HBP1: variants seen among roughly 807,000 people sequenced by gnomAD.
HBP1 encodes HMG-box transcription factor 1, also known as HMG box-containing protein 1.
HBP1 carries 20 observed loss-of-function variants against 62.6 expected under a neutral mutation model. The ratio of observed to expected loss-of-function variants is 0.32; its 90% CI spans 0.22 to 0.46. The LOEUF is 0.46. Among genes scored for constraint, HBP1 ranks in the 20% least tolerant of loss-of-function variants. HBP1 has a pLI of 1.00. For missense variants in HBP1, 480 were observed against 611.8 expected (o/e 0.78, Z 2.27); for synonymous variants, 232 against 206.2 (o/e 1.12, Z -1.07).
chr7:107,199,673 G>A (rs1798116050), intron 9 of HBP1, among the ~76,000 whole-genome samples: 1 of 152,140 alleles, frequency 6.6e-6, no homozygotes, highest in South Asian at 2.1e-4. Context: ...TGTTTTAGTA[G>A]GTTTCATAGC....
rs181844616 is a variant in HBP1 at position 107,170,940 on chromosome 7, A to G, written c.-16+1755A>G. ...ATACATATGTATATGTATAAAATAT[A>G]TAACATATACATGTATATATATAAA... On this transcript the variant is annotated intron_variant, in intron 1 of 10. Transcript: ENST00000222574. 4.3e-3 allele frequency among the ~76,000 whole-genome samples: 624 copies of G among 146,390 alleles called. 7 individuals carry two copies. Among genetic ancestry groups the G allele is most frequent in the African/African-American group, 0.015 (610 of 39,840 alleles).
rs1797881351 is a variant in HBP1, at chr7:107,196,010, C to T, written c.1244C>T (p.Ala415Val). 5.0e-6 allele frequency: 8 copies of T among 1,613,924 alleles called. No homozygotes were observed. Among genetic ancestry groups the T allele is most frequent in the Non-Finnish European group, 5.9e-6 (7 of 1,179,934 alleles). Reference sequence around the variant, plus strand: ...CAGCTCTCTTCCAATTCTTTGTATGCTAAAGCTGTCAAAAACCACAGCTCA... The same window carrying T: ...CAGCTCTCTTCCAATTCTTTGTATGTTAAAGCTGTCAAAAACCACAGCTCA... Reference protein sequence around the residue: ...SSQLSSNSLYAKAVKNHSSGT... With the variant: ...SSQLSSNSLYVKAVKNHSSGT... The change falls in exon 9 of 11, where the codon GCT becomes GTT. Residue 415 changes from alanine (A) to valine (V), a missense_variant. Coordinates refer to ENST00000222574, the MANE Select transcript of HBP1 (RefSeq NM_012257.4).
chr7:107,180,274 G>T (rs1381786807), intron 2 of HBP1, among the ~76,000 whole-genome samples: 1 of 152,240 alleles, frequency 6.6e-6, no homozygotes, highest in Non-Finnish European at 1.5e-5. Flanking sequence ...CTCATTTACA[G>T]ATTGTTAAAT....
intron 8 of HBP1, among the ~76,000 whole-genome samples, chr7:107,191,384 A>G (rs935874028): frequency 1.3e-5 from 2 of 152,210 alleles, no homozygotes; most frequent in Non-Finnish European, 2.9e-5. Context: ...TAGATTAATG[A>G]TAACTCCTAT....
At chr7:107,195,099 C>T (rs1797828866) in intron 8 of HBP1, among the ~76,000 whole-genome samples, 1 of 152,076 alleles carries the variant, frequency 6.6e-6, no homozygotes, top group South Asian at 2.1e-4. Context: ...GAGTGCAGTG[C>T]TGTGATCTGC....
chr7:107,195,792 C>A, intron 8 of HBP1, 42 bp from the exon 9 acceptor site: 7 of 888,964 alleles, frequency 7.9e-6, no homozygotes, highest in Non-Finnish European at 1.1e-5. Flanking sequence ...TCAGAGAATT[C>A]AAAATTGAAT....
At chr7:107,182,236 C>A in intron 2 of HBP1, 137 bp from the exon 3 acceptor site, 5 of 611,844 alleles carry the variant, frequency 8.2e-6, no homozygotes, top group Non-Finnish European at 1.5e-5. Context: ...AGTCTGTGAA[C>A]AGAATGTTAA....
intron 2 of HBP1, among the ~76,000 whole-genome samples, chr7:107,181,424 A>G (rs143844809): frequency 1.6e-3 from 241 of 152,170 alleles, no homozygotes; most frequent in African/African-American, 5.5e-3. Flanking sequence ...GTGAGCTATA[A>G]TTGTACCACT....
chr7:107,171,070 TATA>T lies in HBP1; in HGVS notation c.-16+1886_-16+1888del, dbSNP rs200282873. Among the ~76,000 whole-genome samples the T allele has an allele frequency of 2.8e-3, 149 of 53,952 alleles. 1 individual carries two copies. The highest frequency in any genetic ancestry group is 3.8e-3 in the Admixed American group (18 of 4,798). The allele number at this position is 53,952 out of a possible 152,430, so 35.4% of individuals were successfully genotyped here. The stretch of plus-strand genomic sequence containing the variant: ...AAATATATATATATATATATATATA[TATA>T]TTTTTTTTTTTTTTTGAGAGGGAGT... On this transcript the variant is annotated intron_variant, in intron 1 of 10. Coordinates refer to ENST00000222574, the MANE Select transcript of HBP1 (RefSeq NM_012257.4).
intron 1 of HBP1, chr7:107,174,604 A>G (rs1367669548): frequency 1.0e-6 from 1 of 985,570 alleles, no homozygotes; most frequent in East Asian, 1.1e-4. Flanking sequence ...GAGGAAACCA[A>G]AGAGCTCTGC....
chr7:107,191,027 G>C (rs899628662), intron 8 of HBP1, among the ~76,000 whole-genome samples: 1 of 152,178 alleles, frequency 6.6e-6, no homozygotes, highest in African/African-American at 2.4e-5. Flanking sequence ...AAGGAACCCA[G>C]AGAAAGTCTG....
In HBP1 at chr7:107,201,775, G is replaced by A. The variant is rs554148267; in HGVS notation, c.*344G>A. On this transcript the variant is annotated 3_prime_UTR_variant, in exon 11 of 11. Transcript: ENST00000222574. Reference sequence around the variant, plus strand: ...ATACATGTTTTATTTTAAATTGTACGAAAGGGGAATTTAAAAAATATGTAA... The same window carrying A: ...ATACATGTTTTATTTTAAATTGTACAAAAGGGGAATTTAAAAAATATGTAA... 78 of 207,468 alleles carry A rather than the reference G, an allele frequency of 3.8e-4. No individual in the cohort carries two copies. The highest frequency in any genetic ancestry group is 1.1e-3 in the African/African-American group (49 of 43,652). 12.9% of individuals were successfully genotyped at this position (207,468 alleles called of 1,614,324 possible).
intron 2 of HBP1, among the ~76,000 whole-genome samples, chr7:107,180,379 T>C (rs1797053982): frequency 6.6e-6 from 1 of 152,238 alleles, no homozygotes; most frequent in South Asian, 2.1e-4. Context: ...CTCAGTAAAA[T>C]ATGCTTAGCC....
intron 9 of HBP1, chr7:107,196,425 T>G: frequency 5.1e-6 from 2 of 388,750 alleles, no homozygotes; most frequent in Non-Finnish European, 4.9e-6. Context: ...CCCACCACCA[T>G]ACCTGGCTAA....
intron 8 of HBP1, among the ~76,000 whole-genome samples, chr7:107,193,999 G>A (rs1287298112): frequency 1.3e-5 from 2 of 152,154 alleles, no homozygotes; most frequent in Non-Finnish European, 2.9e-5. Flanking sequence ...GTGAGAATGG[G>A]CATTCTAAGC....
At chr7:107,180,906 G>C (rs1331398532) in intron 2 of HBP1, among the ~76,000 whole-genome samples, 1 of 152,138 alleles carries the variant, frequency 6.6e-6, no homozygotes, top group East Asian at 1.9e-4. Context: ...GAGGAACTCA[G>C]AAACTTAGGG....
intron 8 of HBP1, among the ~76,000 whole-genome samples, chr7:107,190,806 T>G (rs768300553): frequency 6.6e-6 from 1 of 152,202 alleles, no homozygotes; most frequent in Non-Finnish European, 1.5e-5. Flanking sequence ...ACTTCACATC[T>G]AGAAAGGCTT....
intron 9 of HBP1, among the ~76,000 whole-genome samples, chr7:107,198,835 AAC>A (rs746841225): frequency 2.4e-4 from 36 of 152,218 alleles, no homozygotes; most frequent in Non-Finnish European, 4.6e-4. Context: ...TTTGTTAGGG[AAC>A]ACAGAGTATA....
At chr7:107,187,904 C>T (rs1279908988) in intron 6 of HBP1, among the ~76,000 whole-genome samples, 1 of 152,128 alleles carries the variant, frequency 6.6e-6, no homozygotes, top group Non-Finnish European at 1.5e-5. Context: ...GATTTTGCCC[C>T]CTTCACTTTC....
Sources: gnomAD v4.1 joint callset for allele counts (sites outside exome capture counted in the v4.1 genomes callset) on GRCh38, gnomAD v4.1.1 for gene constraint, MANE v1.5 for transcripts, NCBI Gene and HGNC (gene_info 2026-07-23, HGNC 2026-07-21) for gene names.